NKPD1: variants seen among roughly 807,000 people sequenced by gnomAD.
NKPD1 encodes the protein NTPase KAP family P-loop domain containing 1, also known as NTPase KAP family P-loop domain-containing protein 1.
NKPD1 carries 37 observed loss-of-function variants against 42.2 expected under a neutral mutation model. The ratio of observed to expected loss-of-function variants is 0.88; its 90% CI spans 0.67 to 1.15. NKPD1 has a LOEUF of 1.15. Ranked by LOEUF, NKPD1 falls within the 50% of genes most tolerant of loss-of-function variation. NKPD1 has a pLI of 0.00. For synonymous variants in NKPD1, 552 were observed against 536.5 expected, an observed-to-expected ratio of 1.03 and a Z score of -0.40; for missense variants, 1,113 against 1,174.6, an observed-to-expected ratio of 0.95 and a Z score of 0.77.
chr19:45,153,877 C>T, intron 4 of NKPD1, 102 bp from the exon 5 acceptor site: 2 of 1,203,344 alleles, frequency 1.7e-6, no homozygotes. Flanking sequence ...GCGAGGGGCG[C>T]CCAGCAGAGG....
rs530397829 is a variant in NKPD1 at position 45,159,044 on chromosome 19, G to A, written c.148C>T (p.Arg50Trp). ...SAALRAHGPCRPSPQSHWQLA... is the reference protein window; with the variant it reads ...SAALRAHGPCWPSPQSHWQLA... ...TGCCAGTGTGATTGGGGGGAAGGCCGACAGGGCCCATGGGCTCGGAGGGCC... is the reference window on the plus strand; with the variant it reads ...TGCCAGTGTGATTGGGGGGAAGGCCAACAGGGCCCATGGGCTCGGAGGGCC... The change falls in exon 3 of 5, where the codon CGG (arginine) becomes TGG (tryptophan). Residue 50 changes from arginine to tryptophan, a missense_variant. Transcript: ENST00000686631. The A allele has an allele frequency of 1.5e-5, 20 of 1,300,688 alleles. No individual in the cohort carries two copies. Among genetic ancestry groups the A allele is most frequent in the African/African-American group, 1.4e-4 (9 of 65,806 alleles). The allele number at this position is 1,300,688 out of a possible 1,614,324, so 80.6% of individuals were successfully genotyped here.
In NKPD1 at chr19:45,152,623, T is replaced by A; in HGVS notation, c.1814A>T (p.His605Leu). The change falls in exon 5 of 5, where the codon CAC becomes CTC. Residue 605 changes from histidine to leucine, a missense_variant. This residue lies in a region of NKPD1 where 867 missense variants were observed against 870.1 expected (regional missense o/e 1.00). Transcript: ENST00000686631. ...RRIQEALFCL[H>L]DERDCLYEYV... is the part of the protein sequence containing the mutation. ...CTCGTAGAGGCAGTCGCGCTCGTCG[T>A]GAAGGCAGAAGAGCGCCTCCTGGAT... 1.3e-6 allele frequency: 2 copies of A among 1,574,732 alleles called. No individual in the cohort carries two copies. The highest frequency in any genetic ancestry group is 1.7e-5 in the Admixed American group (1 of 57,426).
In NKPD1 at chr19:45,153,607, A is replaced by G. The variant is rs756983723; in HGVS notation, c.830T>C (p.Leu277Pro). The change falls in exon 5 of 5, where the codon CTT becomes CCT. Residue 277 changes from leucine to proline, a missense_variant. Transcript: ENST00000686631. ...VHLRRRNVQFLFIRFSAWQYA... is the reference protein window; with the variant it reads ...VHLRRRNVQFPFIRFSAWQYA... ...CTGCCAGGCGCTAAAGCGGATGAAAAGGAACTGCACGTTCCTGCGCCGCAG... is the reference window on the plus strand; with the variant it reads ...CTGCCAGGCGCTAAAGCGGATGAAAGGGAACTGCACGTTCCTGCGCCGCAG... The G allele has an allele frequency of 6.4e-7, 1 of 1,574,562 alleles. No individual in the cohort carries two copies. The highest frequency in any genetic ancestry group is 1.1e-5 in the South Asian group (1 of 87,344).
rs1426001404 is a variant in NKPD1, at chr19:45,152,764, C to T, written c.1673G>A (p.Arg558His). ...RDDLLYREMT[R>H]KPWLPGDAGG... ...GGCGTCCCCCGGCAGCCACGGCTTG[C>T]GCGTCATCTCGCGGTACAACAGGTC... The change falls in exon 5 of 5, where the codon CGC (arginine) becomes CAC (histidine). Residue 558 changes from arginine (R) to histidine (H), a missense_variant. Around this residue, in one of 3 missense-constraint regions of NKPD1, gnomAD observed 867 missense variants for 870.1 expected, o/e 1.00. Transcript: ENST00000686631. 3 of 1,596,790 alleles carry T rather than the reference C, an allele frequency of 1.9e-6. No homozygotes were observed. The highest frequency in any genetic ancestry group is 1.7e-5 in the Admixed American group (1 of 58,676).
In NKPD1 at chr19:45,152,049, T is replaced by C. The variant is rs1568455336; in HGVS notation, c.2388A>G (p.Ser796=). 4 of 1,609,202 alleles carry C rather than the reference T, an allele frequency of 2.5e-6. No homozygotes were observed. The South Asian group carries it at 4.4e-5, about 18-fold the overall frequency. The stretch of plus-strand genomic sequence containing the variant: ...TGTGGTGGCCTTCGCCGGCTTGCCC[T>C]GAGGCACGGCCCGACGGGGGCGCCC... ...ASRAPPSGRA[S]GQAGEGHHTG... Residue 796 remains serine (S), a synonymous_variant, in exon 5 of 5, where the codon TCA becomes TCG. Coordinates refer to ENST00000686631, the MANE Select transcript of NKPD1 (RefSeq NM_198478.4).
chr19:45,156,924 C>T (rs553036920), intron 3 of NKPD1, among the ~76,000 whole-genome samples: 44 of 152,288 alleles, frequency 2.9e-4, no homozygotes, highest in African/African-American at 1.0e-3. Flanking sequence ...GGGTCTAATT[C>T]CAGCTCTGCC....
chr19:45,156,072 C>T (rs1968897982), intron 3 of NKPD1, among the ~76,000 whole-genome samples, 156 bp from the exon 4 acceptor site: 1 of 152,168 alleles, frequency 6.6e-6, no homozygotes, highest in Non-Finnish European at 1.5e-5. Flanking sequence ...CTGTGGCCAT[C>T]AGTGGCCCTC....
At position 45,150,224 on chromosome 19, in the gene NKPD1, G is replaced by A. The variant is rs1968754289; in HGVS notation, c.*1714C>T. On this transcript the variant is annotated 3_prime_UTR_variant, in exon 5 of 5. Transcript: ENST00000686631. The stretch of plus-strand genomic sequence containing the variant: ...CCCACCTCAGCCTCCTGAGTAGCTG[G>A]GATTACAGGCATGCACCACCATGCC... 6.6e-6 allele frequency: 1 copy of A among 152,104 alleles called. No individual in the cohort carries two copies. Among genetic ancestry groups the A allele is most frequent in the African/African-American group, 2.4e-5 (1 of 41,390 alleles). 9.4% of individuals were successfully genotyped at this position (152,104 alleles called of 1,614,324 possible).
At position 45,151,761 on chromosome 19, in the gene NKPD1, G is replaced by A. The variant is rs923179062; in HGVS notation, c.*177C>T. 9 of 586,404 alleles carry A rather than the reference G, an allele frequency of 1.5e-5. No homozygotes were observed. Among genetic ancestry groups the A allele is most frequent in the African/African-American group, 7.8e-5 (4 of 51,124 alleles). The allele number at this position is 586,404 out of a possible 1,614,324, so 36.3% of individuals were successfully genotyped here. On this transcript the variant is annotated 3_prime_UTR_variant, in exon 5 of 5. Transcript: ENST00000686631. Reference sequence around the variant, plus strand: ...CTGTGCCTGCTCTCATGCTGGCACCGGCTTGTGGCCGCACTCCTTGGAAGC... The same window carrying A: ...CTGTGCCTGCTCTCATGCTGGCACCAGCTTGTGGCCGCACTCCTTGGAAGC...
At position 45,153,049 on chromosome 19, in the gene NKPD1, G is replaced by A. The variant is rs1216313014; in HGVS notation, c.1388C>T (p.Thr463Met). ...GCCCACCACGCGCTCCGGGTAGCAC[G>A]TGTCCAGCCCGGTGACCTCCAGCAC... is the stretch of plus-strand genomic sequence containing the variant. ...RVVLEVTGLD[T>M]CYPERVVGVL... is the part of the protein sequence containing the mutation. The change falls in exon 5 of 5, where the codon ACG (threonine) becomes ATG (methionine). Residue 463 changes from threonine to methionine, a missense_variant. Thr to Met is a moderately conservative substitution (Grantham distance 81). Around this residue, in one of 3 missense-constraint regions of NKPD1, gnomAD observed 867 missense variants for 870.1 expected, o/e 1.00. Coordinates refer to ENST00000686631, the MANE Select transcript of NKPD1 (RefSeq NM_198478.4). The A allele has an allele frequency of 6.3e-7, 1 of 1,585,798 alleles. No individual in the cohort carries two copies. Among genetic ancestry groups the A allele is most frequent in the Admixed American group, 1.8e-5 (1 of 56,152 alleles).
rs2122774443 is a variant in NKPD1, at chr19:45,152,310, CTGCAACGCCTTGGTCATGGTG to C, written c.2106_2126del (p.His702_Leu708del). 6.2e-7 allele frequency: 1 copy of C among 1,610,842 alleles called. No homozygotes were observed. Among genetic ancestry groups the C allele is most frequent in the African/African-American group, 1.3e-5 (1 of 75,006 alleles). On this transcript the variant is annotated inframe_deletion, in exon 5 of 5. Transcript: ENST00000686631. ...GGTCGCCGTCCAGGTCGAGCACGTTCTGCAACGCCTTGGTCATGGTGTGCAGCTCGCGGCTGTTGTCGCGGA... is the reference window on the plus strand; with the variant it reads ...GGTCGCCGTCCAGGTCGAGCACGTTCTGCAGCTCGCGGCTGTTGTCGCGGA...
At chr19:45,159,869 T>C (rs1165412234) in intron 2 of NKPD1, among the ~76,000 whole-genome samples, 191 bp downstream of exon 2, 3 of 152,212 alleles carry the variant, frequency 2.0e-5, no homozygotes, top group Non-Finnish European at 4.4e-5. Context: ...CCCAGGCTCC[T>C]ATCTTTGGGC....
chr19:45,162,816 G>T, upstream of NKPD1: 1 of 194,986 alleles, frequency 5.1e-6, no homozygotes, highest in Non-Finnish European at 1.0e-5. Flanking sequence ...GGGAGTGGAG[G>T]GGGACGTGGC....
chr19:45,156,825 T>C (rs1968911796), intron 3 of NKPD1, among the ~76,000 whole-genome samples: 2 of 152,090 alleles, frequency 1.3e-5, no homozygotes, highest in Non-Finnish European at 2.9e-5. Context: ...AGAGGCCTGG[T>C]GGGCTGTAGG....
chr19:45,160,862 G>T (rs1028053455), intron 1 of NKPD1, among the ~76,000 whole-genome samples, 63 bp downstream of exon 1: 4 of 152,036 alleles, frequency 2.6e-5, no homozygotes, highest in Admixed American at 6.5e-5. Flanking sequence ...AGAGGAAACT[G>T]GGGTGCTGAG....
chr19:45,152,384 C>T lies in NKPD1; in HGVS notation c.2053G>A (p.Glu685Lys). The T allele has an allele frequency of 6.3e-7, 1 of 1,583,278 alleles. No individual in the cohort carries two copies. The highest frequency in any genetic ancestry group is 8.6e-7 in the Non-Finnish European group (1 of 1,166,136). Residue 685 changes from glutamate (E) to lysine (K), a missense_variant, in exon 5 of 5, where the codon GAG becomes AAG. Glu to Lys is a moderately conservative substitution (Grantham distance 56). Coordinates refer to ENST00000686631, the MANE Select transcript of NKPD1 (RefSeq NM_198478.4). ...ACGTCCCAGAGGCGCGCGCGGCCCT[C>T]GGGCGCGCCCCCGGTCTGCTGCCGG... Reference protein sequence around the residue: ...EDRQQTGGAPEGRARLWDVFR... With the variant: ...EDRQQTGGAPKGRARLWDVFR...
In NKPD1 at chr19:45,152,040, G is replaced by A. The variant is rs1361300694; in HGVS notation, c.2397C>T (p.Ala799=). ...AGTCCCCAGTGTGGTGGCCTTCGCCGGCTTGCCCTGAGGCACGGCCCGACG... is the reference window on the plus strand; with the variant it reads ...AGTCCCCAGTGTGGTGGCCTTCGCCAGCTTGCCCTGAGGCACGGCCCGACG... ...APPSGRASGQ[A]GEGHHTGDLA... Residue 799 remains alanine, a synonymous_variant, in exon 5 of 5, where the codon GCC becomes GCT. Transcript: ENST00000686631. 2 of 1,609,408 alleles carry A rather than the reference G, an allele frequency of 1.2e-6. No individual in the cohort carries two copies. The highest frequency in any genetic ancestry group is 2.2e-5 in the East Asian group (1 of 44,786).
rs1968783785 is a variant in NKPD1, at chr19:45,151,886, A to G, written c.*52T>C. 5 of 1,476,272 alleles carry G rather than the reference A, an allele frequency of 3.4e-6. No homozygotes were observed. In the South Asian group the frequency reaches 7.0e-5, roughly 21 times the overall value. 91.4% of individuals were successfully genotyped at this position (1,476,272 alleles called of 1,614,324 possible). A position where few individuals can be genotyped will look rare whatever the true frequency, so the allele number is the denominator to read the frequency against. On this transcript the variant is annotated 3_prime_UTR_variant, in exon 5 of 5. Transcript: ENST00000686631. ...CCCCAGTCCAGCCCCCTATTCTCCC[A>G]TCTGGGCAGATGGAGGAACCCTTGC... is the stretch of plus-strand genomic sequence containing the variant.
In NKPD1 at chr19:45,159,069, CGCT is replaced by C; in HGVS notation, c.120_122del (p.Ala42del). On this transcript the variant is annotated inframe_deletion, in exon 3 of 5. Coordinates refer to ENST00000686631, the MANE Select transcript of NKPD1 (RefSeq NM_198478.4). ...GACAGGGCCCATGGGCTCGGAGGGC[CGCT>C]GAGTCCTGGCGCCACTGATGACAGC... The C allele has an allele frequency of 7.7e-7, 1 of 1,296,922 alleles. No individual in the cohort carries two copies. The highest frequency in any genetic ancestry group is 1.0e-6 in the Non-Finnish European group (1 of 987,106). 80.3% of individuals were successfully genotyped at this position (1,296,922 alleles called of 1,614,324 possible).
Sources: allele counts gnomAD v4.1 joint callset (sites outside exome capture counted in the v4.1 genomes callset), GRCh38; gene constraint gnomAD v4.1.1; regional missense constraint gnomAD v4.1.1; transcripts MANE v1.5; gene names NCBI Gene and HGNC (gene_info 2026-07-23, HGNC 2026-07-21).